The following SLC36A4 variants were observed in gnomAD, a reference collection of about 807,000 sequenced individuals.
SLC36A4 encodes neutral amino acid uniporter 4.
SLC36A4 carries 49 observed loss-of-function variants against 50.5 expected under a neutral mutation model. That is an observed-to-expected ratio of 0.97 (90% CI 0.77 to 1.23). SLC36A4 has a LOEUF of 1.23. SLC36A4 is among the 50% of genes most tolerant of loss of function. The pLI is 0.00. For synonymous variants in SLC36A4, 207 were observed against 206.5 expected (o/e 1.00, Z -0.02); for missense variants, 611 against 608.4 (o/e 1.00, Z -0.05).
chr11:93,154,187 A>C lies in SLC36A4; in HGVS notation c.1128T>G (p.Pro376=). ...QFYVPAEIII[P]GITSKFHTKW... ...TAGTATGAAATTTGGATGTGATCCC[A>C]GGGATAATGATCTCTGCTGGAACAT... Residue 376 remains proline, a synonymous_variant, in exon 10 of 11, where the codon CCT becomes CCG. Transcript: ENST00000326402. The C allele has an allele frequency of 1.3e-6, 2 of 1,566,762 alleles. No homozygotes were observed. The highest frequency in any genetic ancestry group is 1.7e-6 in the Non-Finnish European group (2 of 1,159,990).
At chr11:93,182,613 T>C (rs552975894) in intron 4 of SLC36A4, among the ~76,000 whole-genome samples, 193 bp downstream of exon 4, 50 of 152,268 alleles carry the variant, frequency 3.3e-4, no homozygotes, top group African/African-American at 1.2e-3. Flanking sequence ...CTAATAAGGC[T>C]ACCTTTTAAA....
rs750653075 is a variant in SLC36A4 at position 93,148,824 on chromosome 11, G to C, written c.1228C>G (p.Pro410Ala). Residue 410 changes from proline to alanine, a missense_variant, in exon 11 of 11, where the codon CCT becomes GCT. By Grantham distance (27) the Pro-to-Ala change is conservative. Coordinates refer to ENST00000326402, the MANE Select transcript of SLC36A4 (RefSeq NM_152313.4). The stretch of plus-strand genomic sequence containing the variant: ...AAGGAAATCACAATGTCTAAACGAG[G>C]AATAAGAATTGCTCCGGCACCTAGA... ...SITCAGAILI[P>A]RLDIVISFVG... 1.2e-6 allele frequency: 2 copies of C among 1,610,098 alleles called. No homozygotes were observed. Among genetic ancestry groups the C allele is most frequent in the African/African-American group, 2.7e-5 (2 of 74,738 alleles).
intron 10 of SLC36A4, among the ~76,000 whole-genome samples, chr11:93,153,027 G>A (rs912116357): frequency 2.0e-5 from 3 of 151,732 alleles, no homozygotes; most frequent in East Asian, 1.9e-4. Flanking sequence ...TAATTACTTC[G>A]AAAAATACAT....
In SLC36A4 at chr11:93,147,694, C is replaced by T. The variant is rs1218529510; in HGVS notation, c.*843G>A. The T allele has an allele frequency of 6.6e-6, 1 of 151,994 alleles. No individual in the cohort carries two copies. The highest frequency in any genetic ancestry group is 2.4e-5 in the African/African-American group (1 of 41,396). 9.4% of individuals were successfully genotyped at this position (151,994 alleles called of 1,614,324 possible). A position where few individuals can be genotyped will look rare whatever the true frequency, so the allele number is the denominator to read the frequency against. On this transcript the variant is annotated 3_prime_UTR_variant, in exon 11 of 11. Coordinates refer to ENST00000326402, the MANE Select transcript of SLC36A4 (RefSeq NM_152313.4). ...GATTCAACACTAAAATTAAGCTGAA[C>T]ATAATTTATTCTTTTTCTTGGACAT...
At chr11:93,157,705 G>A (rs910414095) in intron 9 of SLC36A4, among the ~76,000 whole-genome samples, 3 of 152,070 alleles carry the variant, frequency 2.0e-5, no homozygotes, top group African/African-American at 7.2e-5. Context: ...GATGTTTTTT[G>A]CACATTGATT....
At chr11:93,169,616 C>G (rs60531716) in intron 6 of SLC36A4, among the ~76,000 whole-genome samples, 67 of 152,218 alleles carry the variant, frequency 4.4e-4, no homozygotes, top group African/African-American at 1.5e-3. Context: ...GAGAATATAT[C>G]TATTAGATTT....
chr11:93,197,817 T>C lies in SLC36A4; in HGVS notation c.16A>G (p.Thr6Ala). The C allele has an allele frequency of 6.3e-7, 1 of 1,578,422 alleles. No individual in the cohort carries two copies. The highest frequency in any genetic ancestry group is 8.5e-7 in the Non-Finnish European group (1 of 1,170,638). Residue 6 changes from threonine to alanine, a missense_variant, in exon 1 of 11, where the codon ACG (threonine) becomes GCG (alanine). By Grantham distance (58) the Thr-to-Ala change is moderately conservative (BLOSUM62 0). Transcript: ENST00000326402. ...CTCGCCGCCCCGGCAGCCGCCGGCGTCGCCGCCGCTTCCATCTCTCGCGGG... is the reference window on the plus strand; with the variant it reads ...CTCGCCGCCCCGGCAGCCGCCGGCGCCGCCGCCGCTTCCATCTCTCGCGGG... MEAAATPAAAGAARRE... is the reference protein window; with the variant it reads MEAAAAPAAAGAARRE...
intron 3 of SLC36A4, among the ~76,000 whole-genome samples, chr11:93,183,821 C>T (rs1861852968): frequency 6.6e-6 from 1 of 151,976 alleles, no homozygotes. Context: ...CCTCAGCCTC[C>T]CGAGTAGCTG....
At chr11:93,182,401 T>C in intron 4 of SLC36A4, 1 of 192,352 alleles carries the variant, frequency 5.2e-6, no homozygotes, top group Non-Finnish European at 9.5e-6. Context: ...GATACAAAAA[T>C]AAAGACAAAT....
chr11:93,155,057 C>G (rs983969910), intron 9 of SLC36A4: 1 of 151,928 alleles, frequency 6.6e-6, no homozygotes, highest in Admixed American at 6.6e-5. Flanking sequence ...AAAAAGAAGA[C>G]TTTTTAAACG....
At chr11:93,160,716 A>C (rs113643710) in intron 9 of SLC36A4, 10 of 984,898 alleles carry the variant, frequency 1.0e-5, no homozygotes, top group Non-Finnish European at 1.2e-5. Context: ...TATTCCTTAC[A>C]TGCTTTTGTA....
rs183697193 is a variant in SLC36A4 at position 93,193,581 on chromosome 11, T to C, written c.55+4197A>G. On this transcript the variant is annotated intron_variant, in intron 1 of 10. Coordinates refer to ENST00000326402, the MANE Select transcript of SLC36A4 (RefSeq NM_152313.4). ...ATTCAATATTATACAACATTTATTA[T>C]ACACCATATATCTGATGTTAGGTGT... is the stretch of plus-strand genomic sequence containing the variant. 9.0e-4 allele frequency among the ~76,000 whole-genome samples: 137 copies of C among 152,290 alleles called. 1 individual carries two copies. Among genetic ancestry groups the C allele is most frequent in the Middle Eastern group, 6.8e-3 (2 of 294 alleles).
At chr11:93,171,562 A>G (rs1038443861) in intron 6 of SLC36A4, 10 of 152,244 alleles carry the variant, frequency 6.6e-5, no homozygotes, top group African/African-American at 2.4e-4. Flanking sequence ...AACATTAAAT[A>G]ATGTATATCA....
At chr11:93,161,565 C>A (rs1302243474) in intron 9 of SLC36A4, among the ~76,000 whole-genome samples, 6 of 152,166 alleles carry the variant, frequency 3.9e-5, no homozygotes, top group African/African-American at 1.2e-4. Context: ...ACATTTTTGA[C>A]TCCAATAAAT....
rs571385675 is a variant in SLC36A4 at position 93,156,330 on chromosome 11, C to T, written c.1038-2053G>A. 3.9e-5 allele frequency among the ~76,000 whole-genome samples: 6 copies of T among 152,080 alleles called. No individual in the cohort carries two copies. In the East Asian group the frequency reaches 9.7e-4, roughly 24 times the overall value. ...TTTTGATTTGCATTTCTCTAATGATCAGTAATGTTGAGCATTTTTTTTTCA... is the reference window on the plus strand; with the variant it reads ...TTTTGATTTGCATTTCTCTAATGATTAGTAATGTTGAGCATTTTTTTTTCA... On this transcript the variant is annotated intron_variant, in intron 9 of 10. Transcript: ENST00000326402.
intron 2 of SLC36A4, chr11:93,185,382 A>G: frequency 4.9e-6 from 1 of 205,408 alleles, no homozygotes; most frequent in East Asian, 1.1e-4. Context: ...GTTTCAGTAT[A>G]AAGAAGCATG....
intron 6 of SLC36A4, among the ~76,000 whole-genome samples, chr11:93,173,250 A>C (rs1861269555): frequency 6.6e-6 from 1 of 150,838 alleles, no homozygotes; most frequent in Middle Eastern, 3.4e-3. Context: ...TCTTCTTTTG[A>C]GAAGTGTCCG....
In SLC36A4 at chr11:93,197,862, C is replaced by A. The variant is rs757986116; in HGVS notation, c.-30G>T. 1.7e-5 allele frequency: 26 copies of A among 1,530,008 alleles called. No individual in the cohort carries two copies. The highest frequency in any genetic ancestry group is 2.0e-5 in the Non-Finnish European group (23 of 1,145,504). 94.8% of individuals were successfully genotyped at this position (1,530,008 alleles called of 1,614,324 possible). A position where few individuals can be genotyped will look rare whatever the true frequency, so the allele number is the denominator to read the frequency against. Reference sequence around the variant, plus strand: ...CGCGGGTCTCCAGGACGCCGCCGCCCGAGTGCTCACTCTCCCGCCGCTGCG... The same window carrying A: ...CGCGGGTCTCCAGGACGCCGCCGCCAGAGTGCTCACTCTCCCGCCGCTGCG... On this transcript the variant is annotated 5_prime_UTR_variant, in exon 1 of 11. Coordinates refer to ENST00000326402, the MANE Select transcript of SLC36A4 (RefSeq NM_152313.4).
At chr11:93,153,004 T>C (rs1255774360) in intron 10 of SLC36A4, among the ~76,000 whole-genome samples, 1 of 152,146 alleles carries the variant, frequency 6.6e-6, no homozygotes, top group African/African-American at 2.4e-5. Context: ...ATTAGTGATA[T>C]AATTCATTTA....
Sources: allele counts gnomAD v4.1 joint callset (sites outside exome capture counted in the v4.1 genomes callset), GRCh38; gene constraint gnomAD v4.1.1; transcripts MANE v1.5; gene names NCBI Gene and HGNC (gene_info 2026-07-23, HGNC 2026-07-21).